PCCA: variants seen among roughly 807,000 people sequenced by gnomAD.
The protein encoded by PCCA is propionyl-CoA carboxylase alpha chain, mitochondrial.
PCCA carries 74 observed loss-of-function variants against 101.3 expected under a neutral mutation model. The observed-to-expected ratio is 0.73, with a 90% CI of 0.61 to 0.89. The LOEUF (loss-of-function observed/expected upper bound fraction) is 0.89, where lower values mean the gene tolerates loss of function less well. Ranked by LOEUF, PCCA falls within the 40% of genes least tolerant of loss-of-function variation. PCCA has a pLI of 0.00. For missense variants in PCCA, 891 were observed against 907.0 expected, an observed-to-expected ratio of 0.98 and a Z score of 0.23; for synonymous variants, 294 against 313.6, an observed-to-expected ratio of 0.94 and a Z score of 0.66.
chr13:100,367,487 G>A (rs1419488098), intron 18 of PCCA, among the ~76,000 whole-genome samples: 2 of 152,102 alleles, frequency 1.3e-5, no homozygotes, highest in African/African-American at 4.8e-5. Flanking sequence ...TTTTGTGTGT[G>A]TGTGTGTGTG....
chr13:100,413,461 G>A (rs1188570484), intron 19 of PCCA, among the ~76,000 whole-genome samples: 3 of 152,112 alleles, frequency 2.0e-5, no homozygotes, highest in African/African-American at 7.2e-5. Context: ...AAATAATGGA[G>A]GAGATATTAG....
intron 21 of PCCA, among the ~76,000 whole-genome samples, chr13:100,494,193 T>A (rs570498199): frequency 6.6e-6 from 1 of 151,800 alleles, no homozygotes; most frequent in East Asian, 1.9e-4. Context: ...TCTCAAAAAA[T>A]AAATAAATAA....
rs373511653 is a variant in PCCA at position 100,374,516 on chromosome 13, A to G, written c.1746+5942A>G. Among the ~76,000 whole-genome samples the G allele has an allele frequency of 2.0e-5, 3 of 152,222 alleles. No homozygotes were observed. The East Asian group carries it at 5.8e-4, about 29-fold the overall frequency. On this transcript the variant is annotated intron_variant, in intron 19 of 23. Transcript: ENST00000376285. Reference sequence around the variant, plus strand: ...AGTGGTGCGCACCTATAGTCCATCCACTCAGGAGAAAATAAGTTTATGATG... The same window carrying G: ...AGTGGTGCGCACCTATAGTCCATCCGCTCAGGAGAAAATAAGTTTATGATG...
chr13:100,362,644 C>T (rs573234533), intron 18 of PCCA, among the ~76,000 whole-genome samples: 140 of 152,102 alleles, frequency 9.2e-4, no homozygotes, highest in African/African-American at 3.0e-3. Context: ...AACCTTAAGC[C>T]CTTATCGGTG....
chr13:100,123,688 A>C (rs2049666015), intron 4 of PCCA, among the ~76,000 whole-genome samples: 1 of 152,164 alleles, frequency 6.6e-6, no homozygotes, highest in African/African-American at 2.4e-5. Flanking sequence ...ATTCTGAGGA[A>C]AATTGATGGG....
chr13:100,232,276 C>A (rs1453075403), intron 7 of PCCA, among the ~76,000 whole-genome samples: 1 of 151,534 alleles, frequency 6.6e-6, no homozygotes, highest in African/African-American at 2.4e-5. Flanking sequence ...ATGTGTGGTT[C>A]CCTCTGTCTA....
chr13:100,092,460 G>T (rs978998991), intron 1 of PCCA, among the ~76,000 whole-genome samples: 3 of 151,334 alleles, frequency 2.0e-5, no homozygotes, highest in Non-Finnish European at 2.9e-5. Flanking sequence ...TTGGCCTACT[G>T]CAGCCTCTGC....
At chr13:100,481,085 T>C (rs2083877866) in intron 21 of PCCA, 2 of 152,232 alleles carry the variant, frequency 1.3e-5, no homozygotes, top group African/African-American at 2.4e-5. Flanking sequence ...CTTTGTCCTT[T>C]TTCACAATTT....
At chr13:100,108,372 G>A (rs1209287812) in intron 2 of PCCA, among the ~76,000 whole-genome samples, 1 of 152,116 alleles carries the variant, frequency 6.6e-6, no homozygotes, top group Admixed American at 6.5e-5. Context: ...TTTCCTGAGT[G>A]TCTTCAGGGT....
chr13:100,339,405 G>A (rs1253611869), intron 17 of PCCA, among the ~76,000 whole-genome samples: 1 of 152,160 alleles, frequency 6.6e-6, no homozygotes, highest in Non-Finnish European at 1.5e-5. Context: ...TAGTACTCTG[G>A]TAAATAAATA....
intron 14 of PCCA, 39 bp from the exon 15 acceptor site, chr13:100,307,153 A>C: frequency 6.9e-7 from 1 of 1,439,834 alleles, no homozygotes; most frequent in South Asian, 1.2e-5. Flanking sequence ...ATATCTACAC[A>C]ATATGAATTA....
chr13:100,379,765 A>G (rs1337864451), intron 19 of PCCA, among the ~76,000 whole-genome samples: 1 of 152,054 alleles, frequency 6.6e-6, no homozygotes, highest in Non-Finnish European at 1.5e-5. Context: ...ATTCACTATC[A>G]CAGGAACCAC....
intron 14 of PCCA, 39 bp from the exon 15 acceptor site, chr13:100,307,153 A>G (rs1469894576): frequency 1.4e-6 from 2 of 1,439,834 alleles, no homozygotes; most frequent in Non-Finnish European, 1.9e-6. Context: ...ATATCTACAC[A>G]ATATGAATTA....
At chr13:100,505,008 T>C (rs1191830308) in intron 21 of PCCA, among the ~76,000 whole-genome samples, 2 of 152,204 alleles carry the variant, frequency 1.3e-5, no homozygotes, top group African/African-American at 4.8e-5. Context: ...AGAAGGAATC[T>C]GAGACATGGA....
intron 4 of PCCA, among the ~76,000 whole-genome samples, chr13:100,148,227 T>C (rs1042450919): frequency 6.6e-6 from 1 of 152,132 alleles, no homozygotes; most frequent in African/African-American, 2.4e-5. Flanking sequence ...TGTCAGAAAC[T>C]TTTTACTCTG....
intron 12 of PCCA, among the ~76,000 whole-genome samples, chr13:100,275,646 A>C (rs1383016305): frequency 6.6e-6 from 1 of 151,928 alleles, no homozygotes; most frequent in Non-Finnish European, 1.5e-5. Flanking sequence ...ATTTTTAAAA[A>C]TGTTTTCTTC....
intron 6 of PCCA, among the ~76,000 whole-genome samples, chr13:100,180,157 T>C (rs1266960220): frequency 6.6e-6 from 1 of 152,190 alleles, no homozygotes. Context: ...GTGATGCACT[T>C]CTGTATCACT....
intron 1 of PCCA, among the ~76,000 whole-genome samples, chr13:100,090,906 A>G (rs924383464): frequency 2.6e-5 from 4 of 152,218 alleles, no homozygotes; most frequent in East Asian, 3.8e-4. Context: ...TAATCATACT[A>G]TGCTATCTAC....
Position 100,372,922 on chromosome 13 carries a change from T to G in PCCA, c.1746+4348T>G, listed in dbSNP as rs143960529. Among the ~76,000 whole-genome samples, 565 of 152,254 alleles carry G rather than the reference T, an allele frequency of 3.7e-3. 3 individuals carry two copies. The highest frequency in any genetic ancestry group is 0.013 in the African/African-American group (526 of 41,544). Reference sequence around the variant, plus strand: ...ACTTGGCTAATTTTTTTTTGTATTTTTAGTAGAGATGGTGTTTCACCATGT... The same window carrying G: ...ACTTGGCTAATTTTTTTTTGTATTTGTAGTAGAGATGGTGTTTCACCATGT... On this transcript the variant is annotated intron_variant, in intron 19 of 23. Coordinates refer to ENST00000376285, the MANE Select transcript of PCCA (RefSeq NM_000282.4).
Sources: allele counts gnomAD v4.1 joint callset (sites outside exome capture counted in the v4.1 genomes callset), GRCh38; gene constraint gnomAD v4.1.1; transcripts MANE v1.5; gene names NCBI Gene and HGNC (gene_info 2026-07-23, HGNC 2026-07-21).